Variants in MSMO1 observed in about 807,000 individuals in gnomAD.
MSMO1 encodes the protein methylsterol monooxygenase 1.
A neutral mutation model predicts 30.4 loss-of-function variants in MSMO1; 18 were observed. The ratio of observed to expected loss-of-function variants is 0.59; its 90% confidence interval spans 0.41 to 0.88. The LOEUF is 0.88. MSMO1 is among the 40% of genes least tolerant of loss of function. MSMO1 has a pLI of 0.00. For missense variants in MSMO1, 284 were observed against 340.5 expected, an observed-to-expected ratio of 0.83 and a Z score of 1.31; for synonymous variants, 84 against 107.9, an observed-to-expected ratio of 0.78 and a Z score of 1.37.
Position 165,341,906 on chromosome 4 carries a change from A to G in MSMO1, c.842A>G (p.Tyr281Cys), listed in dbSNP as rs1165312109. 6.8e-6 allele frequency: 11 copies of G among 1,612,940 alleles called. No homozygotes were observed. The highest frequency in any genetic ancestry group is 2.2e-5 in the East Asian group (1 of 44,814). Residue 281 changes from tyrosine to cysteine, a missense_variant, in exon 6 of 6, where the codon TAT becomes TGT. Coordinates refer to ENST00000261507, the MANE Select transcript of MSMO1 (RefSeq NM_006745.5). ...IFGTDSQYNA[Y>C]NEKRKKFEKK... is the part of the protein sequence containing the mutation. ...GGAACAGACTCTCAGTATAATGCCT[A>G]TAATGAAAAGAGGAAGAAGTTTGAG...
chr4:165,329,234 A>G (rs1747320135), intron 1 of MSMO1, among the ~76,000 whole-genome samples: 2 of 152,090 alleles, frequency 1.3e-5, no homozygotes, highest in African/African-American at 4.8e-5. Context: ...CTCTCTATGC[A>G]AAACCCCTCC....
At chr4:165,338,074 A>T (rs1177470300) in intron 3 of MSMO1, 137 bp downstream of exon 3, 2 of 771,226 alleles carry the variant, frequency 2.6e-6, no homozygotes, top group Non-Finnish European at 2.1e-6. Flanking sequence ...AGAAAAGTAA[A>T]CCACAGTAAA....
At chr4:165,333,742 C>A in intron 2 of MSMO1, 117 bp downstream of exon 2, 5 of 1,125,766 alleles carry the variant, frequency 4.4e-6, no homozygotes, top group East Asian at 2.6e-5. Flanking sequence ...AATATGAAGC[C>A]ACGTATGTAA....
intron 1 of MSMO1, among the ~76,000 whole-genome samples, chr4:165,330,870 C>T (rs1290269192): frequency 2.6e-5 from 4 of 152,124 alleles, no homozygotes; most frequent in South Asian, 2.1e-4. Flanking sequence ...GGATTACAGG[C>T]GTGAGCCACC....
intron 1 of MSMO1, among the ~76,000 whole-genome samples, chr4:165,332,777 A>G (rs1181749256): frequency 6.6e-6 from 1 of 152,294 alleles, no homozygotes; most frequent in East Asian, 1.9e-4. Context: ...CTGCTTGTGA[A>G]TGGCATTTGT....
At position 165,337,829 on chromosome 4, in the gene MSMO1, A is replaced by G. The variant is rs141811636; in HGVS notation, c.296A>G (p.Lys99Arg). ...ETWENQWKCF[K>R]VLLFNHFCIQ... ...TGGGAAAACCAATGGAAGTGTTTCA[A>G]AGTTCTTCTCTTTAATCACTTCTGT... The change falls in exon 3 of 6, where the codon AAA (lysine) becomes AGA (arginine). Residue 99 changes from lysine to arginine, a missense_variant. Coordinates refer to ENST00000261507, the MANE Select transcript of MSMO1 (RefSeq NM_006745.5). 2.0e-3 allele frequency: 3,232 copies of G among 1,613,670 alleles called. 12 individuals are homozygous for G. Among genetic ancestry groups the G allele is most frequent in the Non-Finnish European group, 1.6e-3 (1,914 of 1,179,766 alleles).
Position 165,337,797 on chromosome 4 carries a change from A to G in MSMO1, c.264A>G (p.Pro88=). The G allele has an allele frequency of 2.5e-6, 4 of 1,613,694 alleles. No individual in the cohort carries two copies. The highest frequency in any genetic ancestry group is 3.4e-6 in the Non-Finnish European group (4 of 1,179,752). ...GTGATTTTTCTTCGTAGGATAAGCCAGAGACATGGGAAAACCAATGGAAGT... is the reference window on the plus strand; with the variant it reads ...GTGATTTTTCTTCGTAGGATAAGCCGGAGACATGGGAAAACCAATGGAAGT... ...MKKYKIQKDK[P]ETWENQWKCF... The change falls in exon 3 of 6, where the codon CCA becomes CCG. Residue 88 remains proline, a synonymous_variant. Transcript: ENST00000261507.
At chr4:165,335,274 G>A (rs1321587055) in intron 2 of MSMO1, among the ~76,000 whole-genome samples, 1 of 152,118 alleles carries the variant, frequency 6.6e-6, no homozygotes, top group African/African-American at 2.4e-5. Flanking sequence ...CTCACTTTAA[G>A]CAGGTATTAA....
At chr4:165,329,625 AT>A (rs1171733863) in intron 1 of MSMO1, among the ~76,000 whole-genome samples, 950 of 67,884 alleles carry the variant, frequency 0.014, 1 homozygote, top group East Asian at 0.038. Flanking sequence ...ATCCATAGCG[AT>A]TTTTTTTTTT....
chr4:165,342,002 T>C lies in MSMO1; in HGVS notation c.*56T>C, dbSNP rs1166782075. ...ACGTTTTCCTGAATTCAGAAACTAG[T>C]AGCTAACATTGCTTCTGGAGAGCAG... On this transcript the variant is annotated 3_prime_UTR_variant, in exon 6 of 6. Coordinates refer to ENST00000261507, the MANE Select transcript of MSMO1 (RefSeq NM_006745.5). 5.0e-5 allele frequency: 69 copies of C among 1,377,008 alleles called. No individual in the cohort carries two copies. Among genetic ancestry groups the C allele is most frequent in the Non-Finnish European group, 6.9e-5 (67 of 971,578 alleles). 85.3% of individuals were successfully genotyped at this position (1,377,008 alleles called of 1,614,324 possible). A position where few individuals can be genotyped will look rare whatever the true frequency, so the allele number is the denominator to read the frequency against.
chr4:165,335,335 G>C (rs1214760252), intron 2 of MSMO1, among the ~76,000 whole-genome samples: 1 of 152,022 alleles, frequency 6.6e-6, no homozygotes, highest in Non-Finnish European at 1.5e-5. Flanking sequence ...GTGGACTCCA[G>C]GCCAAAGGAG....
At chr4:165,331,816 A>G (rs900820835) in intron 1 of MSMO1, among the ~76,000 whole-genome samples, 4 of 152,210 alleles carry the variant, frequency 2.6e-5, no homozygotes, top group East Asian at 3.8e-4. Flanking sequence ...TTAGTGACCT[A>G]TTGAGCTTAT....
chr4:165,329,486 A>AGT (rs1421594473), intron 1 of MSMO1, among the ~76,000 whole-genome samples: 1 of 151,452 alleles, frequency 6.6e-6, no homozygotes, highest in Non-Finnish European at 1.5e-5. Flanking sequence ...TACTTGTCAG[A>AGT]GTGAATGCAT....
rs1310714454 is a variant in MSMO1 at position 165,337,876 on chromosome 4, G to A, written c.343G>A (p.Gly115Arg). Reference sequence around the variant, plus strand: ...CTGTATCCAGCTGCCTTTGATTTGTGGAACCTATTATTTTACAGAGTATTT... The same window carrying A: ...CTGTATCCAGCTGCCTTTGATTTGTAGAACCTATTATTTTACAGAGTATTT... ...HFCIQLPLIC[G>R]TYYFTEYFNI... The change falls in exon 3 of 6, where the codon GGA (glycine) becomes AGA (arginine). Residue 115 changes from glycine (G) to arginine (R), a missense_variant. By Grantham distance (125) the Gly-to-Arg change is moderately radical. Coordinates refer to ENST00000261507, the MANE Select transcript of MSMO1 (RefSeq NM_006745.5). 1.2e-6 allele frequency: 2 copies of A among 1,613,046 alleles called. No homozygotes were observed. The highest frequency in any genetic ancestry group is 3.3e-5 in the Admixed American group (2 of 59,992).
chr4:165,337,263 A>AACTCCATAATCAGGACATAT (rs1747578994), intron 2 of MSMO1, among the ~76,000 whole-genome samples: 4 of 152,198 alleles, frequency 2.6e-5, no homozygotes, highest in Admixed American at 2.6e-4. Flanking sequence ...TGAATCTGTG[A>AACTCCATAATCAGGACATAT]ACTCCATAAT....
chr4:165,328,391 C>T (rs1747296931), intron 1 of MSMO1, among the ~76,000 whole-genome samples: 1 of 152,154 alleles, frequency 6.6e-6, no homozygotes, highest in Non-Finnish European at 1.5e-5. Context: ...GATCTTTATG[C>T]TTAGGGCAAG....
intron 1 of MSMO1, among the ~76,000 whole-genome samples, chr4:165,330,295 G>A (rs1747355482): frequency 6.6e-6 from 1 of 152,238 alleles, no homozygotes; most frequent in Non-Finnish European, 1.5e-5. Context: ...GGTGTGGTAA[G>A]GATTAAAGTG....
chr4:165,331,949 C>T (rs1579212639), intron 1 of MSMO1, among the ~76,000 whole-genome samples: 2 of 148,248 alleles, frequency 1.3e-5, no homozygotes, highest in East Asian at 3.9e-4. Context: ...TCTTCCGTAA[C>T]ACTCTCCCCT....
Position 165,340,098 on chromosome 4 carries a change from CACA to C in MSMO1, c.532-116_532-114del, listed in dbSNP as rs1387539780. ...GTTAACAACATCTAAAAAATACCTT[CACA>C]ACAACATCTAGACTGGTATTTAATC... On this transcript the variant is annotated intron_variant, in intron 4 of 5. Coordinates refer to ENST00000261507, the MANE Select transcript of MSMO1 (RefSeq NM_006745.5). The C allele has an allele frequency of 2.6e-5, 21 of 807,820 alleles. No individual in the cohort carries two copies. In the African/African-American group the frequency reaches 3.3e-4, roughly 13 times the overall value. The allele number at this position is 807,820 out of a possible 1,614,324, so 50.0% of individuals were successfully genotyped here. A position where few individuals can be genotyped will look rare whatever the true frequency, so the allele number is the denominator to read the frequency against.
Sources: allele counts gnomAD v4.1 joint callset (sites outside exome capture counted in the v4.1 genomes callset), GRCh38; gene constraint gnomAD v4.1.1; transcripts MANE v1.5; gene names NCBI Gene and HGNC (gene_info 2026-07-23, HGNC 2026-07-21).